The following WDFY2 variants were observed in gnomAD, a reference collection of about 807,000 sequenced individuals.
The protein encoded by WDFY2 is WD repeat and FYVE domain-containing protein 2.
A neutral mutation model predicts 56.4 loss-of-function variants in WDFY2; 36 were observed. The observed-to-expected ratio is 0.64, with a 90% CI of 0.49 to 0.84. WDFY2 has a LOEUF of 0.84. WDFY2 is among the 40% of genes least tolerant of loss of function. WDFY2 has a pLI of 0.00. For missense variants in WDFY2, 444 were observed against 512.2 expected (o/e 0.87, Z 1.29); for synonymous variants, 176 against 183.7 (o/e 0.96, Z 0.34).
chr13:51,683,855 T>C (rs2138523701), intron 3 of WDFY2, among the ~76,000 whole-genome samples: 2 of 152,198 alleles, frequency 1.3e-5, no homozygotes, highest in Non-Finnish European at 2.9e-5. Flanking sequence ...ATGCTGGGCT[T>C]GTATGTCTTT....
chr13:51,584,945 T>A (rs1953907682), intron 1 of WDFY2, 121 bp downstream of exon 1: 1 of 1,356,262 alleles, frequency 7.4e-7, no homozygotes, highest in South Asian at 1.4e-5. Flanking sequence ...CAAGTTTTAT[T>A]GTAATGCGCA....
At chr13:51,669,207 C>T (rs1307982277) in intron 2 of WDFY2, among the ~76,000 whole-genome samples, 1 of 152,130 alleles carries the variant, frequency 6.6e-6, no homozygotes, top group Admixed American at 6.5e-5. Context: ...TTAATTTAAT[C>T]GCCCATACTA....
intron 3 of WDFY2, among the ~76,000 whole-genome samples, chr13:51,694,107 A>G (rs1297359656): frequency 6.6e-6 from 1 of 152,286 alleles, no homozygotes; most frequent in Non-Finnish European, 1.5e-5. Flanking sequence ...TCCTGAATAC[A>G]GCACACTGAT....
At chr13:51,702,075 G>T (rs1486748717) in intron 3 of WDFY2, among the ~76,000 whole-genome samples, 1 of 152,082 alleles carries the variant, frequency 6.6e-6, no homozygotes. Flanking sequence ...ACTTTGGGAG[G>T]CCGAGGTGGG....
intron 6 of WDFY2, among the ~76,000 whole-genome samples, chr13:51,734,059 C>T (rs118026275): frequency 6.6e-6 from 1 of 152,286 alleles, no homozygotes; most frequent in East Asian, 1.9e-4. Flanking sequence ...TCTTAGTCTC[C>T]TTTAGCCTCA....
At chr13:51,590,094 T>A (rs1954016069) in intron 1 of WDFY2, 4 of 152,182 alleles carry the variant, frequency 2.6e-5, no homozygotes. Context: ...GAATTTCCTG[T>A]TTTTATATTA....
intron 3 of WDFY2, among the ~76,000 whole-genome samples, chr13:51,679,619 T>C (rs556027523): frequency 2.0e-5 from 3 of 152,328 alleles, no homozygotes; most frequent in African/African-American, 7.2e-5. Context: ...ATTATACTCT[T>C]ACAGTATACA....
intron 4 of WDFY2, among the ~76,000 whole-genome samples, chr13:51,716,357 A>C (rs1952345570): frequency 6.6e-6 from 1 of 152,222 alleles, no homozygotes; most frequent in Admixed American, 6.5e-5. Context: ...AAAGTGGTGA[A>C]TTTTGTGTTA....
intron 5 of WDFY2, among the ~76,000 whole-genome samples, chr13:51,722,958 T>G (rs1433549976): frequency 6.6e-6 from 1 of 152,252 alleles, no homozygotes; most frequent in African/African-American, 2.4e-5. Context: ...AAATATTCTA[T>G]TTTAGGATTT....
chr13:51,627,255 T>C (rs1954852641), intron 1 of WDFY2, among the ~76,000 whole-genome samples: 2 of 152,216 alleles, frequency 1.3e-5, no homozygotes, highest in Admixed American at 1.3e-4. Flanking sequence ...GCTGCAGGTC[T>C]TCTCTCCTTG....
In WDFY2 at chr13:51,761,843, C is replaced by CGG; in HGVS notation, c.*2074_*2075insGG. 6.6e-6 allele frequency: 1 copy of CGG among 152,200 alleles called. No homozygotes were observed. The highest frequency in any genetic ancestry group is 2.1e-4 in the South Asian group (1 of 4,828). The allele number at this position is 152,200 out of a possible 1,614,324, so 9.4% of individuals were successfully genotyped here. On this transcript the variant is annotated 3_prime_UTR_variant, in exon 12 of 12. Transcript: ENST00000298125. ...CTTGAGCCATCAGACCGGCTCAGCC[C>CGG]ATGTGACCGGAGCTCTGAAGAGGCA...
At chr13:51,724,531 C>T (rs1316989691) in intron 5 of WDFY2, among the ~76,000 whole-genome samples, 2 of 152,164 alleles carry the variant, frequency 1.3e-5, no homozygotes, top group African/African-American at 4.8e-5. Flanking sequence ...GCCATCGCAC[C>T]CAGCCCAATT....
At chr13:51,696,513 A>AC (rs967289853) in intron 3 of WDFY2, among the ~76,000 whole-genome samples, 9 of 152,200 alleles carry the variant, frequency 5.9e-5, no homozygotes, top group African/African-American at 2.2e-4. Context: ...GGGTTGGAGA[A>AC]CCCCCAAACA....
At chr13:51,682,697 A>G (rs533826971) in intron 3 of WDFY2, among the ~76,000 whole-genome samples, 207 of 152,292 alleles carry the variant, frequency 1.4e-3, no homozygotes, top group African/African-American at 4.6e-3. Flanking sequence ...TATCTGATAT[A>G]TACATGGAAA....
At position 51,584,704 on chromosome 13, in the gene WDFY2, A is replaced by G; in HGVS notation, c.17A>G (p.Gln6Arg). The G allele has an allele frequency of 6.2e-7, 1 of 1,612,722 alleles. No individual in the cohort carries two copies. Among genetic ancestry groups the G allele is most frequent in the Non-Finnish European group, 8.5e-7 (1 of 1,179,512 alleles). Reference protein sequence around the residue: MAAEIQPKPLTRKPIL... With the variant: MAAEIRPKPLTRKPIL... ...CCTCCTCCGATGGCGGCGGAGATCC[A>G]GCCCAAGCCTCTGACCCGCAAGCCG... is the stretch of plus-strand genomic sequence containing the variant. The change falls in exon 1 of 12, where the codon CAG (glutamine) becomes CGG (arginine). Residue 6 changes from glutamine to arginine, a missense_variant. Physicochemically the swap from Gln to Arg is conservative, Grantham distance 43. Coordinates refer to ENST00000298125, the MANE Select transcript of WDFY2 (RefSeq NM_052950.4).
At chr13:51,696,260 C>A (rs1198654330) in intron 3 of WDFY2, among the ~76,000 whole-genome samples, 1 of 152,232 alleles carries the variant, frequency 6.6e-6, no homozygotes, top group East Asian at 1.9e-4. Context: ...AATCACCCAT[C>A]TTCTGCATCG....
intron 7 of WDFY2, among the ~76,000 whole-genome samples, chr13:51,741,811 G>A (rs1952981062): frequency 6.6e-6 from 1 of 152,134 alleles, no homozygotes. Flanking sequence ...TGGTAGCTTA[G>A]GTCTCTGAAC....
At chr13:51,749,261 T>TA (rs1257799431) in intron 7 of WDFY2, among the ~76,000 whole-genome samples, 1 of 152,192 alleles carries the variant, frequency 6.6e-6, no homozygotes, top group Non-Finnish European at 1.5e-5. Context: ...CATTATCACT[T>TA]ACTAAACCAA....
chr13:51,695,364 T>A (rs1330657668), intron 3 of WDFY2, among the ~76,000 whole-genome samples: 2 of 152,228 alleles, frequency 1.3e-5, no homozygotes, highest in Non-Finnish European at 2.9e-5. Context: ...GTTTTTGGTG[T>A]GGATGTCCTT....
Sources: gnomAD v4.1 joint callset for allele counts (sites outside exome capture counted in the v4.1 genomes callset) on GRCh38, gnomAD v4.1.1 for gene constraint, MANE v1.5 for transcripts, NCBI Gene and HGNC (gene_info 2026-07-23, HGNC 2026-07-21) for gene names.